The following RPS6KC1 variants were observed in gnomAD, a reference collection of about 807,000 sequenced individuals.
RPS6KC1 encodes ribosomal protein S6 kinase C1, also known as inactive ribosomal protein S6 kinase delta-1.
Under a neutral mutation model 103.8 loss-of-function variants are expected in RPS6KC1, and 54 were observed. The observed-to-expected ratio is 0.52, with a 90% CI of 0.42 to 0.65. The LOEUF (loss-of-function observed/expected upper bound fraction) is 0.65, where lower values mean the gene tolerates loss of function less well. Among genes scored for constraint, RPS6KC1 ranks in the 30% least tolerant of loss-of-function variants. RPS6KC1 has a pLI of 0.00. For missense variants in RPS6KC1, 1,151 were observed against 1,253.8 expected, an observed-to-expected ratio of 0.92 and a Z score of 1.24; for synonymous variants, 439 against 438.7, an observed-to-expected ratio of 1.00 and a Z score of -0.01.
the RPS6KC1 span, among the ~76,000 whole-genome samples, chr1:213,440,892 G>A: frequency 1 from 152,119 of 152,284 alleles, 75,978 homozygotes; most frequent in East Asian, 1. Flanking sequence ...TAAAATTAGC[G>A]TCCTTATTTA....
chr1:213,143,058 G>A (rs1006977087), intron 6 of RPS6KC1, among the ~76,000 whole-genome samples: 4 of 151,928 alleles, frequency 2.6e-5, no homozygotes, highest in East Asian at 3.9e-4. Flanking sequence ...CTTTACTACC[G>A]TTGTGTAGTT....
At chr1:213,719,433 C>G in the RPS6KC1 span, among the ~76,000 whole-genome samples, 5 of 152,186 alleles carry the variant, frequency 3.3e-5, no homozygotes, top group South Asian at 1.0e-3. Context: ...CTGTGACACA[C>G]AATAACACAA....
At chr1:213,517,175 C>A in the RPS6KC1 span, among the ~76,000 whole-genome samples, 7,865 of 135,252 alleles carry the variant, frequency 0.058, 640 homozygotes, top group African/African-American at 0.18. Flanking sequence ...TTTCAAAAAA[C>A]CAGCTCCTGG....
the RPS6KC1 span, among the ~76,000 whole-genome samples, chr1:213,329,335 C>A: frequency 6.6e-6 from 1 of 152,120 alleles, no homozygotes; most frequent in Non-Finnish European, 1.5e-5. Context: ...TCTGGGTGAG[C>A]AGCTTGGCTC....
intron 6 of RPS6KC1, among the ~76,000 whole-genome samples, chr1:213,137,963 C>G (rs1258669217): frequency 1.3e-5 from 2 of 150,560 alleles, no homozygotes; most frequent in Non-Finnish European, 2.9e-5. Context: ...ATCCAAAGGT[C>G]ATGGTATCTT....
chr1:213,141,470 A>C (rs2087025044), intron 6 of RPS6KC1, among the ~76,000 whole-genome samples: 1 of 151,924 alleles, frequency 6.6e-6, no homozygotes, highest in Non-Finnish European at 1.5e-5. Context: ...TTGTGGGGTC[A>C]GTAGTAATGT....
chr1:213,268,976 A>G (rs2094976870), intron 14 of RPS6KC1, among the ~76,000 whole-genome samples: 1 of 152,218 alleles, frequency 6.6e-6, no homozygotes, highest in Non-Finnish European at 1.5e-5. Flanking sequence ...AACAAGTAGC[A>G]AAATAGCAAA....
the RPS6KC1 span, among the ~76,000 whole-genome samples, chr1:213,581,801 G>A: frequency 2.0e-5 from 3 of 152,134 alleles, no homozygotes; most frequent in Admixed American, 1.3e-4. Flanking sequence ...TTTTGCATTC[G>A]CTGGTATTAT....
At chr1:213,065,480 C>T (rs1033437552) in intron 1 of RPS6KC1, among the ~76,000 whole-genome samples, 1 of 152,162 alleles carries the variant, frequency 6.6e-6, no homozygotes, top group Non-Finnish European at 1.5e-5. Context: ...ACTTTTCAGT[C>T]ACGGAAGATA....
chr1:213,378,758 C>A, the RPS6KC1 span, among the ~76,000 whole-genome samples: 2 of 152,148 alleles, frequency 1.3e-5, no homozygotes, highest in Non-Finnish European at 2.9e-5. Context: ...AAGAATCCTG[C>A]CAAGCAAGAG....
At chr1:213,691,388 G>A in the RPS6KC1 span, among the ~76,000 whole-genome samples, 5 of 152,330 alleles carry the variant, frequency 3.3e-5, no homozygotes, top group South Asian at 8.3e-4. Flanking sequence ...TCCCAGTAAA[G>A]AGGACTCTGC....
chr1:213,194,958 T>A (rs531116727), intron 8 of RPS6KC1, among the ~76,000 whole-genome samples: 1 of 152,162 alleles, frequency 6.6e-6, no homozygotes, highest in South Asian at 2.1e-4. Context: ...ATGACAAAAT[T>A]ATGGAAATGG....
the RPS6KC1 span, among the ~76,000 whole-genome samples, chr1:213,769,433 G>A: frequency 6.6e-6 from 1 of 151,986 alleles, no homozygotes; most frequent in Non-Finnish European, 1.5e-5. Flanking sequence ...CAGTTTAGAG[G>A]ATGTCTGGAG....
chr1:213,654,757 T>TC, the RPS6KC1 span, among the ~76,000 whole-genome samples: 1 of 152,214 alleles, frequency 6.6e-6, no homozygotes, highest in Non-Finnish European at 1.5e-5. Context: ...TTTCTCATTA[T>TC]CATTTCTTAA....
At chr1:213,214,887 C>A (rs578098211) in intron 8 of RPS6KC1, among the ~76,000 whole-genome samples, 1 of 152,242 alleles carries the variant, frequency 6.6e-6, no homozygotes, top group African/African-American at 2.4e-5. Context: ...ACATCACCAT[C>A]ATCACAGACC....
At chr1:213,207,229 A>G (rs1163819607) in intron 8 of RPS6KC1, among the ~76,000 whole-genome samples, 1 of 152,228 alleles carries the variant, frequency 6.6e-6, no homozygotes, top group East Asian at 1.9e-4. Flanking sequence ...AAAGCTGTCC[A>G]TTTGTGGGGG....
chr1:213,564,658 C>T, the RPS6KC1 span, among the ~76,000 whole-genome samples: 1 of 152,284 alleles, frequency 6.6e-6, no homozygotes, highest in South Asian at 2.1e-4. Flanking sequence ...CCCTTTTCCT[C>T]AAAGGTCTAA....
chr1:213,360,962 G>C, the RPS6KC1 span, among the ~76,000 whole-genome samples: 1 of 152,226 alleles, frequency 6.6e-6, no homozygotes, highest in African/African-American at 2.4e-5. Context: ...GTGTCAGTCT[G>C]CCCCTACTGG....
the RPS6KC1 span, among the ~76,000 whole-genome samples, chr1:213,398,196 C>CTTTTTTTTTTTT: frequency 1.0e-4 from 11 of 109,448 alleles, no homozygotes; most frequent in African/African-American, 1.8e-4. Flanking sequence ...CACACCTGGC[C>CTTTTTTTTTTTT]TTTTTTTTTT....
Sources: gnomAD v4.1 joint callset for allele counts (sites outside exome capture counted in the v4.1 genomes callset) on GRCh38, gnomAD v4.1.1 for gene constraint, MANE v1.5 for transcripts, NCBI Gene and HGNC (gene_info 2026-07-23, HGNC 2026-07-21) for gene names.